AGTPBP1: variants seen among roughly 807,000 people sequenced by gnomAD.
AGTPBP1 encodes the protein cytosolic carboxypeptidase 1.
Under a neutral mutation model 143.9 loss-of-function variants are expected in AGTPBP1, and 70 were observed. The observed-to-expected ratio is 0.49, with a 90% confidence interval of 0.40 to 0.59. AGTPBP1 has a LOEUF of 0.59. Among genes scored for constraint, AGTPBP1 ranks in the 20% least tolerant of loss-of-function variants. The pLI is 0.00. For synonymous variants in AGTPBP1, 463 were observed against 500.2 expected (o/e 0.93, Z 0.99); for missense variants, 1,229 against 1,464.5 (o/e 0.84, Z 2.62).
chr9:85,579,200 C>T, intron 23 of AGTPBP1, 104 bp from the exon 24 acceptor site: 3 of 1,146,280 alleles, frequency 2.6e-6, no homozygotes, highest in South Asian at 3.1e-5. Flanking sequence ...TAGAGCAAAG[C>T]CATGTGGATG....
At chr9:85,665,163 C>G (rs962743463) in intron 8 of AGTPBP1, among the ~76,000 whole-genome samples, 2 of 152,150 alleles carry the variant, frequency 1.3e-5, no homozygotes, top group African/African-American at 4.8e-5. Context: ...GCAGATGTAA[C>G]TAGTTAAGGC....
intron 17 of AGTPBP1, among the ~76,000 whole-genome samples, chr9:85,611,161 T>C (rs990369993): frequency 6.7e-6 from 1 of 148,510 alleles, no homozygotes; most frequent in African/African-American, 2.5e-5. Context: ...TTTTCTTTTT[T>C]TTTTTTTTTT....
chr9:85,593,805 G>GT (rs1829122962), intron 18 of AGTPBP1, among the ~76,000 whole-genome samples: 1 of 152,078 alleles, frequency 6.6e-6, no homozygotes, highest in Non-Finnish European at 1.5e-5. Context: ...CCATAATAAA[G>GT]TTTTTAAAAC....
Position 85,741,600 on chromosome 9 carries a change from G to GCGTT in AGTPBP1, c.-34+171_-34+174dup, listed in dbSNP as rs931498452. ...TCAGGGCTTTCCCTCAAGACCGAGT[G>GCGTT]CGTTCCCCTCACGCGTCACATGTGT... On this transcript the variant is annotated intron_variant, in intron 1 of 25. Coordinates refer to ENST00000357081, the MANE Select transcript of AGTPBP1 (RefSeq NM_001330701.2). 6.7e-5 allele frequency: 66 copies of GCGTT among 985,416 alleles called. No individual in the cohort carries two copies. In the African/African-American group the frequency reaches 1.1e-3, roughly 16 times the overall value. The allele number at this position is 985,416 out of a possible 1,614,324, so 61.0% of individuals were successfully genotyped here. A position where few individuals can be genotyped will look rare whatever the true frequency, so the allele number is the denominator to read the frequency against.
At chr9:85,729,372 T>C (rs1350790092) in intron 1 of AGTPBP1, among the ~76,000 whole-genome samples, 1 of 152,104 alleles carries the variant, frequency 6.6e-6, no homozygotes, top group Non-Finnish European at 1.5e-5. Flanking sequence ...CTTGAAAACA[T>C]TACACTAACT....
chr9:85,605,938 G>C (rs1221497105), intron 17 of AGTPBP1, among the ~76,000 whole-genome samples: 2 of 152,064 alleles, frequency 1.3e-5, no homozygotes, highest in East Asian at 1.9e-4. Context: ...AATATCACCT[G>C]AGAAAATCAC....
the AGTPBP1 span, among the ~76,000 whole-genome samples, chr9:85,778,664 G>A: frequency 6.6e-6 from 1 of 152,170 alleles, no homozygotes; most frequent in Non-Finnish European, 1.5e-5. Context: ...GGCCCACTAG[G>A]CATTGTGCCT....
At chr9:85,695,935 A>G (rs1325209962) in intron 2 of AGTPBP1, among the ~76,000 whole-genome samples, 1 of 151,626 alleles carries the variant, frequency 6.6e-6, no homozygotes, top group Admixed American at 6.6e-5. Flanking sequence ...TCCATGTCCC[A>G]GGTTCAAGCG....
At chr9:85,781,273 C>A in the AGTPBP1 span, 24 of 1,558,138 alleles carry the variant, frequency 1.5e-5, no homozygotes, top group Non-Finnish European at 2.1e-5. Context: ...GGAAAAAGAT[C>A]TTTATTTCTA....
intron 25 of AGTPBP1, among the ~76,000 whole-genome samples, chr9:85,566,780 C>T (rs1768716282): frequency 6.6e-6 from 1 of 152,318 alleles, no homozygotes; most frequent in Middle Eastern, 3.4e-3. Flanking sequence ...AACAGAGAGG[C>T]TGACAAAGTG....
At chr9:85,626,551 C>A (rs1012335296) in intron 14 of AGTPBP1, among the ~76,000 whole-genome samples, 1 of 152,178 alleles carries the variant, frequency 6.6e-6, no homozygotes, top group Non-Finnish European at 1.5e-5. Flanking sequence ...ACCAGAATTA[C>A]CATCCTCAAT....
chr9:85,747,150 C>G, the AGTPBP1 span, among the ~76,000 whole-genome samples: 1 of 152,180 alleles, frequency 6.6e-6, no homozygotes, highest in African/African-American at 2.4e-5. Flanking sequence ...AGCCACCATG[C>G]TTGGCCCCAA....
chr9:85,578,775 A>T, intron 24 of AGTPBP1, 145 bp downstream of exon 24: 1 of 800,102 alleles, frequency 1.2e-6, no homozygotes, highest in Non-Finnish European at 1.9e-6. Context: ...ACCTATTCTT[A>T]AGACTGCATA....
At chr9:85,600,971 C>T (rs566587587) in intron 17 of AGTPBP1, among the ~76,000 whole-genome samples, 49 of 152,334 alleles carry the variant, frequency 3.2e-4, no homozygotes, top group Admixed American at 2.6e-3. Flanking sequence ...CCCCTACCCA[C>T]AGCCACCACC....
the AGTPBP1 span, among the ~76,000 whole-genome samples, chr9:85,797,081 G>T: frequency 1.8e-4 from 27 of 152,164 alleles, no homozygotes; most frequent in Middle Eastern, 3.4e-3. Context: ...CACTGCGCCC[G>T]GCTCTTTCTT....
chr9:85,745,876 A>C (rs952018107), upstream of AGTPBP1, among the ~76,000 whole-genome samples: 2 of 152,170 alleles, frequency 1.3e-5, no homozygotes, highest in Admixed American at 1.3e-4. Context: ...AGCAGCCCCA[A>C]ATCATTTTCT....
At chr9:85,766,852 T>C in the AGTPBP1 span, among the ~76,000 whole-genome samples, 1 of 152,224 alleles carries the variant, frequency 6.6e-6, no homozygotes, top group African/African-American at 2.4e-5. Context: ...GTTTGCTATC[T>C]TAATGTCTTT....
the AGTPBP1 span, among the ~76,000 whole-genome samples, chr9:85,763,821 C>CT: frequency 6.6e-6 from 1 of 151,948 alleles, no homozygotes; most frequent in African/African-American, 2.4e-5. Context: ...GAGGGGAATG[C>CT]TTTTTTAAAA....
chr9:85,759,881 T>C, the AGTPBP1 span, among the ~76,000 whole-genome samples: 46 of 151,520 alleles, frequency 3.0e-4, no homozygotes, highest in Middle Eastern at 0.034. Context: ...GCAAGACTAA[T>C]AAAGAAGAAA....
Sources: allele counts gnomAD v4.1 joint callset (sites outside exome capture counted in the v4.1 genomes callset), GRCh38; gene constraint gnomAD v4.1.1; transcripts MANE v1.5; gene names NCBI Gene and HGNC (gene_info 2026-07-23, HGNC 2026-07-21).